The following LRRFIP2 variants were observed in gnomAD, a reference collection of about 807,000 sequenced individuals.
LRRFIP2 encodes LRR binding FLII interacting protein 2.
A neutral mutation model predicts 125.9 loss-of-function variants in LRRFIP2; 109 were observed. The observed-to-expected ratio is 0.87, with a 90% CI of 0.74 to 1.01. The LOEUF (loss-of-function observed/expected upper bound fraction) is 1.01, where lower values mean the gene tolerates loss of function less well. LRRFIP2 is among the 50% of genes least tolerant of loss of function. The pLI is 0.00. For missense variants in LRRFIP2, 850 were observed against 862.3 expected (o/e 0.99, Z 0.18); for synonymous variants, 291 against 293.1 (o/e 0.99, Z 0.07).
At chr3:37,108,245 G>T in intron 12 of LRRFIP2, 116 bp from the exon 13 acceptor site, 1 of 776,154 alleles carries the variant, frequency 1.3e-6, no homozygotes, top group Non-Finnish European at 2.2e-6. Flanking sequence ...AAAGGTAACT[G>T]TTATTCAGTG....
In LRRFIP2 at chr3:37,065,892, A is replaced by C; in HGVS notation, c.1617T>G (p.Ser539Arg). ...TGATGGCTCCAGCCACTGGTTCATG[A>C]CTGACATCACCATTGGGAGTGCCAT... The part of the protein sequence containing the change: ...IPDGTPNGDV[S>R]HEPVAGAITV... The change falls in exon 23 of 28, where the codon AGT (serine) becomes AGG (arginine). Residue 539 changes from serine (S) to arginine (R), a missense_variant. By Grantham distance (110) the Ser-to-Arg change is moderately radical. Transcript: ENST00000336686. 7 of 1,614,164 alleles carry C rather than the reference A, an allele frequency of 4.3e-6. No homozygotes were observed. The highest frequency in any genetic ancestry group is 5.9e-6 in the Non-Finnish European group (7 of 1,179,992).
chr3:37,077,466 A>G (rs994370736), intron 19 of LRRFIP2, among the ~76,000 whole-genome samples: 3 of 152,192 alleles, frequency 2.0e-5, no homozygotes, highest in African/African-American at 7.2e-5. Context: ...AGAAATACAT[A>G]TATTTGTACA....
At chr3:37,079,996 T>C (rs2092485334) in intron 19 of LRRFIP2, among the ~76,000 whole-genome samples, 1 of 152,160 alleles carries the variant, frequency 6.6e-6, no homozygotes, top group African/African-American at 2.4e-5. Flanking sequence ...AAAGTAACTG[T>C]GATGAAGGTT....
chr3:37,161,181 A>AAAAAT (rs1343379057), intron 1 of LRRFIP2, among the ~76,000 whole-genome samples: 2 of 143,540 alleles, frequency 1.4e-5, no homozygotes, highest in Non-Finnish European at 3.0e-5. Context: ...CCATCTACTA[A>AAAAAT]AAAAAAAAAA....
chr3:37,077,844 G>A (rs1346351362), intron 19 of LRRFIP2, among the ~76,000 whole-genome samples: 3 of 152,130 alleles, frequency 2.0e-5, no homozygotes, highest in Non-Finnish European at 4.4e-5. Flanking sequence ...CTTGTCACAC[G>A]CTACAACATG....
At chr3:37,065,690 T>C (rs893136266) in intron 23 of LRRFIP2, 120 bp downstream of exon 23, 8 of 1,227,686 alleles carry the variant, frequency 6.5e-6, no homozygotes, top group Middle Eastern at 1.8e-4. Flanking sequence ...TTCTTCTAGT[T>C]AAGGATCTAC....
Position 37,108,701 on chromosome 3 carries a change from A to G in LRRFIP2, c.610-17T>C, listed in dbSNP as rs1210601752. On this transcript the variant is annotated splice_polypyrimidine_tract_variant and intron_variant, in intron 11 of 27. Transcript: ENST00000336686. ...CAATGATGCCTAAGGAACAAAGGAA[A>G]TATCACTTAGCTATTTAGCTTCAAG... 4 of 1,598,972 alleles carry G rather than the reference A, an allele frequency of 2.5e-6. No homozygotes were observed. The highest frequency in any genetic ancestry group is 1.1e-5 in the South Asian group (1 of 90,424).
intron 6 of LRRFIP2, among the ~76,000 whole-genome samples, chr3:37,119,864 G>A (rs899600549): frequency 6.6e-6 from 1 of 151,962 alleles, no homozygotes; most frequent in African/African-American, 2.4e-5. Context: ...TTTTTGCCAT[G>A]TTGGCCAGGT....
intron 2 of LRRFIP2, among the ~76,000 whole-genome samples, chr3:37,147,348 C>T (rs921959319): frequency 2.0e-5 from 3 of 152,178 alleles, no homozygotes; most frequent in African/African-American, 7.2e-5. Flanking sequence ...CCAGCAATCC[C>T]ATTACTTGAA....
At chr3:37,107,411 T>C (rs1439964766) in intron 13 of LRRFIP2, among the ~76,000 whole-genome samples, 1 of 152,126 alleles carries the variant, frequency 6.6e-6, no homozygotes, top group Non-Finnish European at 1.5e-5. Context: ...AGAAAATATA[T>C]TGAGGAGCAG....
chr3:37,123,725 C>G (rs1297200605), intron 4 of LRRFIP2, among the ~76,000 whole-genome samples: 5 of 152,052 alleles, frequency 3.3e-5, no homozygotes, highest in Non-Finnish European at 7.4e-5. Flanking sequence ...ATTTGAGGTA[C>G]TAGGGTAAAT....
intron 14 of LRRFIP2, among the ~76,000 whole-genome samples, chr3:37,103,342 TATATAC>T (rs1391731041): frequency 1.3e-5 from 2 of 152,168 alleles, no homozygotes; most frequent in African/African-American, 4.8e-5. Flanking sequence ...TCTAGGTCAG[TATATAC>T]CTCTACTATA....
At chr3:37,170,489 C>G (rs2096570454) in intron 1 of LRRFIP2, 1 of 152,174 alleles carries the variant, frequency 6.6e-6, no homozygotes, top group Non-Finnish European at 1.5e-5. Flanking sequence ...TATAGTACCA[C>G]AGGAAAAGCA....
chr3:37,070,764 TA>T (rs2091049707), intron 21 of LRRFIP2, among the ~76,000 whole-genome samples: 1 of 151,998 alleles, frequency 6.6e-6, no homozygotes, highest in Non-Finnish European at 1.5e-5. Flanking sequence ...ATTTTCCAAT[TA>T]AAAGCCAAAT....
Position 37,053,801 on chromosome 3 carries a change from C to A in LRRFIP2, c.*50G>T, listed in dbSNP as rs759831013. On this transcript the variant is annotated 3_prime_UTR_variant, in exon 28 of 28. Coordinates refer to ENST00000336686, the MANE Select transcript of LRRFIP2 (RefSeq NM_006309.4). ...TTGTGTCAATGGACAAAAGTCAGTC[C>A]CTCTAGGTAGGGCCCCAAGGAGCAT... 7.9e-7 allele frequency: 1 copy of A among 1,259,730 alleles called. No homozygotes were observed. The highest frequency in any genetic ancestry group is 2.3e-5 in the East Asian group (1 of 43,248). 78.0% of individuals were successfully genotyped at this position (1,259,730 alleles called of 1,614,324 possible). A position where few individuals can be genotyped will look rare whatever the true frequency, so the allele number is the denominator to read the frequency against.
intron 1 of LRRFIP2, among the ~76,000 whole-genome samples, chr3:37,153,312 C>T (rs2096083528): frequency 6.6e-6 from 1 of 151,954 alleles, no homozygotes. Flanking sequence ...AACTGACTGA[C>T]CCTGGGAGGT....
intron 2 of LRRFIP2, 77 bp from the exon 3 acceptor site, chr3:37,129,226 T>A: frequency 7.7e-7 from 1 of 1,292,560 alleles, no homozygotes; most frequent in Non-Finnish European, 1.1e-6. Flanking sequence ...AAATAAAGAA[T>A]GGGACATTAC....
Position 37,096,616 on chromosome 3 carries a change from T to C in LRRFIP2, c.918A>G (p.Arg306=). The change falls in exon 16 of 28, where the codon AGA becomes AGG. Residue 306 remains arginine, a splice_region_variant and synonymous_variant. Coordinates refer to ENST00000336686, the MANE Select transcript of LRRFIP2 (RefSeq NM_006309.4). ...TTCCCTTAGGAATTTACATACTCAC[T>C]CTTGTATAATTTTCAGCATACTGTT... ...SDKQYAENYT[R]PSSRNSASAT... The C allele has an allele frequency of 1.3e-6, 2 of 1,550,420 alleles. No homozygotes were observed. Among genetic ancestry groups the C allele is most frequent in the Non-Finnish European group, 1.8e-6 (2 of 1,129,880 alleles).
chr3:37,065,971 A>C, intron 22 of LRRFIP2, 29 bp from the exon 23 acceptor site: 1 of 1,613,988 alleles, frequency 6.2e-7, no homozygotes, highest in East Asian at 2.2e-5. Flanking sequence ...CACCATCACA[A>C]AAGGCCCGTA....
Sources: gnomAD v4.1 joint callset for allele counts (sites outside exome capture counted in the v4.1 genomes callset) on GRCh38, gnomAD v4.1.1 for gene constraint, MANE v1.5 for transcripts, NCBI Gene and HGNC (gene_info 2026-07-23, HGNC 2026-07-21) for gene names.